ERC2: variants seen among roughly 807,000 people sequenced by gnomAD.
The protein encoded by ERC2 is ERC protein 2.
A neutral mutation model predicts 114.8 loss-of-function variants in ERC2; 42 were observed. The ratio of observed to expected loss-of-function variants is 0.37; its 90% CI spans 0.29 to 0.47. The LOEUF is 0.47. Ranked by LOEUF, ERC2 falls within the 20% of genes least tolerant of loss-of-function variation. ERC2 has a pLI of 0.99. For missense variants in ERC2, 939 were observed against 1,150.7 expected (o/e 0.82, Z 2.66); for synonymous variants, 454 against 425.5 (o/e 1.07, Z -0.82).
intron 4 of ERC2, among the ~76,000 whole-genome samples, chr3:56,158,246 A>T (rs1377517933): frequency 6.6e-6 from 1 of 152,042 alleles, no homozygotes; most frequent in African/African-American, 2.4e-5. Flanking sequence ...GTGACTTGCC[A>T]AATGCCCAAT....
At chr3:56,440,304 G>A (rs1412807795) in intron 1 of ERC2, among the ~76,000 whole-genome samples, 1 of 152,186 alleles carries the variant, frequency 6.6e-6, no homozygotes, top group Non-Finnish European at 1.5e-5. Context: ...AGCACTTTGG[G>A]AGGCCGAGGC....
At chr3:55,526,850 C>G (rs1356183824) in intron 17 of ERC2, among the ~76,000 whole-genome samples, 1 of 152,218 alleles carries the variant, frequency 6.6e-6, no homozygotes, top group East Asian at 1.9e-4. Flanking sequence ...CCAAAGCCTC[C>G]TGGCCCTCCC....
chr3:55,555,413 T>C lies in ERC2; in HGVS notation c.*40-44137A>G, dbSNP rs571741762. Among the ~76,000 whole-genome samples the C allele has an allele frequency of 8.5e-5, 13 of 152,278 alleles. 1 individual carries two copies. Among genetic ancestry groups the C allele is most frequent in the Admixed American group, 8.5e-4 (13 of 15,304 alleles). On this transcript the variant is annotated intron_variant, in intron 17 of 17. Coordinates refer to ENST00000288221, the MANE Select transcript of ERC2 (RefSeq NM_015576.3). ...ACCTGGGTGAGGAAACAGCATCTCC[T>C]CATCATGGCCAACTCTCAAATGACA...
At chr3:56,034,995 TA>T (rs2074699027) in intron 7 of ERC2, among the ~76,000 whole-genome samples, 1 of 151,810 alleles carries the variant, frequency 6.6e-6, no homozygotes, top group African/African-American at 2.4e-5. Flanking sequence ...CAAATAAAAT[TA>T]AGTTTAGAAA....
At chr3:55,757,970 T>C (rs1474978875) in intron 14 of ERC2, among the ~76,000 whole-genome samples, 1 of 152,140 alleles carries the variant, frequency 6.6e-6, no homozygotes, top group East Asian at 1.9e-4. Context: ...TGAGTTCTTA[T>C]TTTTTGTATT....
intron 6 of ERC2, among the ~76,000 whole-genome samples, chr3:56,131,016 G>T (rs566318346): frequency 2.8e-4 from 43 of 152,180 alleles, no homozygotes; most frequent in Non-Finnish European, 4.9e-4. Flanking sequence ...AAAGTGTGTT[G>T]TTTGGCACTA....
chr3:55,743,256 C>T (rs2066082156), intron 14 of ERC2, among the ~76,000 whole-genome samples: 1 of 152,188 alleles, frequency 6.6e-6, no homozygotes, highest in Non-Finnish European at 1.5e-5. Context: ...GTGGCTGGCC[C>T]ATCCGGCGGT....
chr3:56,459,200 C>T (rs1381708996), intron 1 of ERC2, among the ~76,000 whole-genome samples: 1 of 152,146 alleles, frequency 6.6e-6, no homozygotes, highest in Non-Finnish European at 1.5e-5. Flanking sequence ...GAACTGGTAA[C>T]CACAGTGCAC....
chr3:55,891,948 A>G (rs1228215695), intron 13 of ERC2, among the ~76,000 whole-genome samples: 1 of 152,166 alleles, frequency 6.6e-6, no homozygotes, highest in Non-Finnish European at 1.5e-5. Flanking sequence ...TTGAAATAAC[A>G]TTTTAACTGA....
rs151080105 is a variant in ERC2, at chr3:55,584,638, C to T, written c.*40-73362G>A. Among the ~76,000 whole-genome samples the T allele has an allele frequency of 9.3e-3, 1,417 of 152,306 alleles. 9 individuals are homozygous for T. Among genetic ancestry groups the T allele is most frequent in the Non-Finnish European group, 0.012 (834 of 68,032 alleles). On this transcript the variant is annotated intron_variant, in intron 17 of 17. Transcript: ENST00000288221. ...CTCCCTTTCTCACCTGCATATGCCA[C>T]GTAAACCCTCATGGGTGGAAGCAGC...
At chr3:56,324,229 G>C (rs2057255283) in intron 2 of ERC2, among the ~76,000 whole-genome samples, 1 of 152,196 alleles carries the variant, frequency 6.6e-6, no homozygotes. Context: ...TGTGTTAGTT[G>C]TGACAGAGGG....
intron 2 of ERC2, among the ~76,000 whole-genome samples, chr3:56,298,778 G>A (rs557632350): frequency 1.3e-5 from 2 of 152,192 alleles, no homozygotes; most frequent in Non-Finnish European, 2.9e-5. Context: ...GTTAGATAGG[G>A]GTGTCCTTTG....
chr3:56,053,708 G>A (rs921180442), intron 7 of ERC2, among the ~76,000 whole-genome samples: 4 of 144,358 alleles, frequency 2.8e-5, no homozygotes, highest in East Asian at 2.2e-4. Flanking sequence ...CTGGATTTAC[G>A]GAAGGGATCA....
At chr3:55,628,492 G>A (rs1335234770) in intron 17 of ERC2, among the ~76,000 whole-genome samples, 1 of 152,140 alleles carries the variant, frequency 6.6e-6, no homozygotes, top group Non-Finnish European at 1.5e-5. Context: ...TTTTGTTGTT[G>A]CTATTTTCTA....
intron 11 of ERC2, among the ~76,000 whole-genome samples, chr3:55,989,026 C>G (rs889076141): frequency 2.0e-5 from 3 of 152,200 alleles, no homozygotes. Flanking sequence ...TCTCCACCCC[C>G]ACCTCCTTAG....
chr3:55,831,504 A>C (rs2149186665), intron 14 of ERC2, among the ~76,000 whole-genome samples: 1 of 152,024 alleles, frequency 6.6e-6, no homozygotes, highest in East Asian at 1.9e-4. Flanking sequence ...CAAAGGGGAG[A>C]AAGAGGAACA....
intron 3 of ERC2, among the ~76,000 whole-genome samples, chr3:56,284,903 T>C (rs1016615954): frequency 5.3e-5 from 8 of 151,734 alleles, no homozygotes; most frequent in African/African-American, 1.9e-4. Flanking sequence ...AAGAGTGCAG[T>C]TGGGGTGGGG....
intron 7 of ERC2, among the ~76,000 whole-genome samples, chr3:56,024,226 T>C (rs931464657): frequency 1.3e-5 from 2 of 152,160 alleles, no homozygotes; most frequent in African/African-American, 2.4e-5. Flanking sequence ...GAAAATAGTA[T>C]AGAATTATGC....
At chr3:56,323,034 T>C (rs753142347) in intron 2 of ERC2, among the ~76,000 whole-genome samples, 4 of 152,200 alleles carry the variant, frequency 2.6e-5, no homozygotes, top group African/African-American at 7.2e-5. Flanking sequence ...GTGTTTGGTC[T>C]GTCTGTACAC....
Sources: gnomAD v4.1 joint callset for allele counts (sites outside exome capture counted in the v4.1 genomes callset) on GRCh38, gnomAD v4.1.1 for gene constraint, MANE v1.5 for transcripts, NCBI Gene and HGNC (gene_info 2026-07-23, HGNC 2026-07-21) for gene names.